TM9SF2: variants seen among roughly 807,000 people sequenced by gnomAD.
The protein encoded by TM9SF2 is transmembrane 9 superfamily member 2.
In TM9SF2, 13 loss-of-function variants were observed where a neutral mutation model predicts 84.9. The observed-to-expected ratio is 0.15, with a 90% CI of 0.10 to 0.24. The LOEUF (loss-of-function observed/expected upper bound fraction) is 0.24, where lower values mean the gene tolerates loss of function less well. Among genes scored for constraint, TM9SF2 ranks in the 10% least tolerant of loss-of-function variants. TM9SF2 has a pLI of 1.00. For missense variants in TM9SF2, 562 were observed against 818.5 expected, an observed-to-expected ratio of 0.69 and a Z score of 3.82; for synonymous variants, 273 against 285.8, an observed-to-expected ratio of 0.96 and a Z score of 0.45.
At chr13:99,524,086 A>G (rs1254555644) in intron 3 of TM9SF2, among the ~76,000 whole-genome samples, 1 of 152,204 alleles carries the variant, frequency 6.6e-6, no homozygotes, top group East Asian at 1.9e-4. Flanking sequence ...GGACCACATT[A>G]TAGAATGACT....
chr13:99,556,588 T>TC (rs2046325540), intron 15 of TM9SF2, among the ~76,000 whole-genome samples: 1 of 151,468 alleles, frequency 6.6e-6, no homozygotes, highest in Non-Finnish European at 1.5e-5. Context: ...TTTTTTTTTT[T>TC]TCCTTTTTTT....
intron 8 of TM9SF2, among the ~76,000 whole-genome samples, chr13:99,541,246 T>C (rs1267774483): frequency 6.6e-6 from 1 of 152,240 alleles, no homozygotes; most frequent in Non-Finnish European, 1.5e-5. Flanking sequence ...GTAAATTTCT[T>C]GAGGGCACAA....
At chr13:99,542,793 A>G (rs2046266436) in intron 9 of TM9SF2, among the ~76,000 whole-genome samples, 1 of 152,162 alleles carries the variant, frequency 6.6e-6, no homozygotes, top group African/African-American at 2.4e-5. Context: ...ATGGAGTTTT[A>G]TCTTAATTTG....
chr13:99,502,422 T>C (rs1278264120), intron 1 of TM9SF2, among the ~76,000 whole-genome samples: 1 of 152,178 alleles, frequency 6.6e-6, no homozygotes, highest in Non-Finnish European at 1.5e-5. Flanking sequence ...AGGCACTTGA[T>C]TTCTGAGTTT....
chr13:99,529,350 C>T (rs2046197702), intron 3 of TM9SF2, 117 bp from the exon 4 acceptor site: 5 of 824,496 alleles, frequency 6.1e-6, no homozygotes, highest in South Asian at 4.1e-5. Flanking sequence ...TATTTATTAC[C>T]AATATTAATG....
chr13:99,529,680 G>A (rs2046199698), intron 4 of TM9SF2, 86 bp downstream of exon 4: 5 of 1,303,246 alleles, frequency 3.8e-6, no homozygotes, highest in Non-Finnish European at 5.0e-6. Flanking sequence ...ACTTGATTGT[G>A]TAAAATATAG....
intron 15 of TM9SF2, among the ~76,000 whole-genome samples, chr13:99,557,208 GAA>G (rs1300801112): frequency 6.6e-6 from 1 of 151,996 alleles, no homozygotes; most frequent in Non-Finnish European, 1.5e-5. Context: ...TTCCATTTTT[GAA>G]AAAATTGTAG....
chr13:99,546,570 T>G (rs2046283455), intron 10 of TM9SF2, among the ~76,000 whole-genome samples: 1 of 151,452 alleles, frequency 6.6e-6, no homozygotes, highest in African/African-American at 2.4e-5. Context: ...GTTTTGGGTT[T>G]TTTTTTTTTT....
At chr13:99,544,926 G>A (rs1248097255) in intron 10 of TM9SF2, among the ~76,000 whole-genome samples, 1 of 152,014 alleles carries the variant, frequency 6.6e-6, no homozygotes, top group Non-Finnish European at 1.5e-5. Context: ...CACAGGGATT[G>A]TTCTGAAACT....
chr13:99,542,689 T>A (rs974574380), intron 9 of TM9SF2, among the ~76,000 whole-genome samples: 2 of 152,156 alleles, frequency 1.3e-5, no homozygotes, highest in Non-Finnish European at 2.9e-5. Flanking sequence ...ATAGTCTCTT[T>A]CCTATGATTT....
intron 12 of TM9SF2, 103 bp downstream of exon 12, chr13:99,549,325 C>T (rs1369772701): frequency 1.2e-6 from 1 of 830,512 alleles, no homozygotes; most frequent in African/African-American, 1.7e-5. Flanking sequence ...AAATCATGTA[C>T]CTAAGAAAGT....
intron 3 of TM9SF2, 75 bp from the exon 4 acceptor site, chr13:99,529,392 T>C: frequency 7.4e-7 from 1 of 1,357,880 alleles, no homozygotes; most frequent in South Asian, 1.9e-5. Context: ...CCAGCACTTT[T>C]ACTCTATTTG....
chr13:99,501,833 A>G lies in TM9SF2; in HGVS notation c.171+56A>G, dbSNP rs1038562431. The G allele has an allele frequency of 1.1e-5, 17 of 1,554,850 alleles. No homozygotes were observed. The African/African-American group carries it at 1.5e-4, about 14-fold the overall frequency. ...ACTGTTGGAAGGGGAAGTCGTCCCTATCCGGGGGAGCTGATCCTCGGGTGG... is the reference window on the plus strand; with the variant it reads ...ACTGTTGGAAGGGGAAGTCGTCCCTGTCCGGGGGAGCTGATCCTCGGGTGG... On this transcript the variant is annotated intron_variant, in intron 1 of 16. Coordinates refer to ENST00000376387, the MANE Select transcript of TM9SF2 (RefSeq NM_004800.3).
At chr13:99,521,369 G>A (rs981376721) in intron 3 of TM9SF2, among the ~76,000 whole-genome samples, 1 of 152,076 alleles carries the variant, frequency 6.6e-6, no homozygotes, top group Non-Finnish European at 1.5e-5. Context: ...TGTTCTGATG[G>A]CTCTAACTTG....
chr13:99,542,135 G>A lies in TM9SF2; in HGVS notation c.1017+468G>A, dbSNP rs542729599. ...CACTGCACTCCAGCCTGGCAACAGAGCAAGACTCTGTCTCAAAAAAAAAAA... is the reference window on the plus strand; with the variant it reads ...CACTGCACTCCAGCCTGGCAACAGAACAAGACTCTGTCTCAAAAAAAAAAA... On this transcript the variant is annotated intron_variant, in intron 9 of 16. Transcript: ENST00000376387. 4.8e-5 allele frequency among the ~76,000 whole-genome samples: 7 copies of A among 144,456 alleles called. No homozygotes were observed. In the South Asian group the frequency reaches 1.4e-3, roughly 28 times the overall value. 94.8% of individuals were successfully genotyped at this position (144,456 alleles called of 152,430 possible).
At chr13:99,508,333 GGGA>G (rs1171755948) in intron 1 of TM9SF2, among the ~76,000 whole-genome samples, 1 of 151,148 alleles carries the variant, frequency 6.6e-6, no homozygotes, top group Non-Finnish European at 1.5e-5. Flanking sequence ...GCAAATTTCT[GGGA>G]GGAGATGGAC....
In TM9SF2 at chr13:99,537,866, AATTAT is replaced by A. The variant is rs1674082908; in HGVS notation, c.716+8_716+12del. On this transcript the variant is annotated splice_donor_5th_base_variant and intron_variant, in intron 6 of 16. Transcript: ENST00000376387. The stretch of plus-strand genomic sequence containing the variant: ...GCTGCTAAACTTGAACCGAAAAGGT[AATTAT>A]ATTAATGATAAAAAGTAAACAAGTA... The A allele has an allele frequency of 3.1e-6, 5 of 1,600,646 alleles. No individual in the cohort carries two copies. Among genetic ancestry groups the A allele is most frequent in the Non-Finnish European group, 4.2e-6 (5 of 1,176,968 alleles).
intron 1 of TM9SF2, 77 bp downstream of exon 1, chr13:99,501,854 G>T (rs2046067543): frequency 6.5e-7 from 1 of 1,537,240 alleles, no homozygotes; most frequent in Admixed American, 2.2e-5. Context: ...CTGATCCTCG[G>T]GTGGGAGCGA....
In TM9SF2 at chr13:99,511,508, C is replaced by T. The variant is rs537121354; in HGVS notation, c.172-6106C>T. 1.6e-3 allele frequency among the ~76,000 whole-genome samples: 250 copies of T among 152,236 alleles called. 8 individuals are homozygous for T. The South Asian group carries it at 0.049, about 30-fold the overall frequency. ...CAAGAGTTGATATTTAGAGTTATTG[C>T]AAATGTAGCATATTTACAAATATAT... is the stretch of plus-strand genomic sequence containing the variant. On this transcript the variant is annotated intron_variant, in intron 1 of 16. Transcript: ENST00000376387.
Sources: gnomAD v4.1 joint callset for allele counts (sites outside exome capture counted in the v4.1 genomes callset) on GRCh38, gnomAD v4.1.1 for gene constraint, MANE v1.5 for transcripts, NCBI Gene and HGNC (gene_info 2026-07-23, HGNC 2026-07-21) for gene names.